The following GLIS3 variants were observed in gnomAD, a reference collection of about 807,000 sequenced individuals.
GLIS3 encodes the protein GLIS family zinc finger 3, also known as zinc finger protein GLIS3.
GLIS3 carries 53 observed loss-of-function variants against 78.6 expected under a neutral mutation model. The ratio of observed to expected loss-of-function variants is 0.67; its 90% CI spans 0.54 to 0.85. The LOEUF (loss-of-function observed/expected upper bound fraction) is 0.85, where lower values mean the gene tolerates loss of function less well. Ranked by LOEUF, GLIS3 falls within the 40% of genes least tolerant of loss-of-function variation. The pLI, the probability that GLIS3 is intolerant of heterozygous loss-of-function variation, is 0.00. For synonymous variants in GLIS3, 684 were observed against 509.9 expected (o/e 1.34, Z -4.60); for missense variants, 1,703 against 1,231.1 (o/e 1.38, Z -5.74).
intron 4 of GLIS3, among the ~76,000 whole-genome samples, chr9:4,085,445 G>A (rs905968836): frequency 6.6e-6 from 1 of 151,934 alleles, no homozygotes; most frequent in African/African-American, 2.4e-5. Context: ...CACTTTTCTT[G>A]ATGGCCACTG....
chr9:3,835,267 G>C (rs1818281647), intron 9 of GLIS3, among the ~76,000 whole-genome samples: 2 of 152,158 alleles, frequency 1.3e-5, no homozygotes, highest in East Asian at 3.9e-4. Flanking sequence ...CCTGCAGTAG[G>C]CTCAGACTGG....
At position 4,293,945 on chromosome 9, in the gene GLIS3, A is replaced by G. The variant is rs112406694; in HGVS notation, c.-99+5476T>C. Among the ~76,000 whole-genome samples, 120 of 152,310 alleles carry G rather than the reference A, an allele frequency of 7.9e-4. 1 individual carries two copies. Among genetic ancestry groups the G allele is most frequent in the African/African-American group, 2.8e-3 (118 of 41,562 alleles). The stretch of plus-strand genomic sequence containing the variant: ...GCCCTCAGCTACTGAGAACCTCATA[A>G]TTCAAGTTTTACAAATTCCTTTTCT... On this transcript the variant is annotated intron_variant, in intron 1 of 10. Coordinates refer to ENST00000381971, the MANE Select transcript of GLIS3 (RefSeq NM_001042413.2).
In GLIS3 at chr9:4,159,953, G is replaced by A. The variant is rs79037693; in HGVS notation, c.389-34012C>T. ...CAGTATTTCAACTCAGCCAGTAAGA[G>A]ACAACCAAGAATGAATGTTAGTATT... On this transcript the variant is annotated intron_variant, in intron 2 of 10. Transcript: ENST00000381971. Among the ~76,000 whole-genome samples, 613 of 152,214 alleles carry A rather than the reference G, an allele frequency of 4.0e-3. 8 individuals are homozygous for A. Among genetic ancestry groups the A allele is most frequent in the African/African-American group, 0.014 (576 of 41,530 alleles).
intron 2 of GLIS3, among the ~76,000 whole-genome samples, chr9:4,315,708 G>C (rs1817425897): frequency 6.6e-6 from 1 of 152,036 alleles, no homozygotes; most frequent in South Asian, 2.1e-4. Flanking sequence ...GGGTCTTTTG[G>C]GGCCAGCCTC....
At chr9:3,855,861 A>G in intron 9 of GLIS3, 148 bp downstream of exon 9, 1 of 842,842 alleles carries the variant, frequency 1.2e-6, no homozygotes, top group Non-Finnish European at 2.0e-6. Flanking sequence ...TTTCATGCCT[A>G]TCAAGTGTGA....
chr9:3,973,081 G>C (rs13290706), intron 4 of GLIS3, among the ~76,000 whole-genome samples: 12,873 of 152,234 alleles, frequency 0.085, 589 homozygotes, highest in Middle Eastern at 0.15. Context: ...CATATTCATA[G>C]TTATGGTTTA....
chr9:3,901,956 C>T (rs867726750), intron 6 of GLIS3, among the ~76,000 whole-genome samples: 3 of 152,306 alleles, frequency 2.0e-5, no homozygotes, highest in Non-Finnish European at 2.9e-5. Context: ...CTGGGGTCCA[C>T]ATGTTTTACC....
chr9:4,335,343 T>C (rs1040888157), intron 2 of GLIS3, among the ~76,000 whole-genome samples: 3 of 152,218 alleles, frequency 2.0e-5, no homozygotes, highest in African/African-American at 2.4e-5. Flanking sequence ...ACCTGTGAAA[T>C]TGATCAATTA....
At chr9:4,033,117 T>G (rs1823992637) in intron 4 of GLIS3, among the ~76,000 whole-genome samples, 1 of 152,062 alleles carries the variant, frequency 6.6e-6, no homozygotes, top group Non-Finnish European at 1.5e-5. Context: ...TCTCCCAAAG[T>G]GCTGGGATTA....
chr9:4,378,403 A>G, the GLIS3 span, among the ~76,000 whole-genome samples: 19 of 152,268 alleles, frequency 1.2e-4, 1 homozygote, highest in South Asian at 2.5e-3. Context: ...CAAAATATTT[A>G]AAACATGTTT....
the GLIS3 span, among the ~76,000 whole-genome samples, chr9:4,388,482 T>A: frequency 6.6e-6 from 1 of 151,794 alleles, no homozygotes; most frequent in Non-Finnish European, 1.5e-5. Flanking sequence ...TTCGAGAGCA[T>A]CCTGACCAAT....
intron 2 of GLIS3, among the ~76,000 whole-genome samples, chr9:4,173,737 C>T (rs1816581895): frequency 6.6e-6 from 1 of 152,134 alleles, no homozygotes; most frequent in South Asian, 2.1e-4. Flanking sequence ...GCTGGAACTA[C>T]AGGCATGTGC....
chr9:4,418,411 G>C, the GLIS3 span, among the ~76,000 whole-genome samples: 1 of 152,186 alleles, frequency 6.6e-6, no homozygotes, highest in African/African-American at 2.4e-5. Context: ...TGCTCTATCT[G>C]TAAAACCTCT....
chr9:4,095,267 G>C (rs1046091231), intron 4 of GLIS3, among the ~76,000 whole-genome samples: 1 of 152,064 alleles, frequency 6.6e-6, no homozygotes. Flanking sequence ...GGACATAAAT[G>C]TTTTAACCGG....
At chr9:3,946,911 C>T (rs1489574283) in intron 4 of GLIS3, among the ~76,000 whole-genome samples, 5 of 152,162 alleles carry the variant, frequency 3.3e-5, no homozygotes, top group East Asian at 1.9e-4. Context: ...ATGATCTTTT[C>T]GACCTTGCCC....
At chr9:4,350,496 A>G (rs191930094), upstream of GLIS3, among the ~76,000 whole-genome samples, 72 of 152,318 alleles carry the variant, frequency 4.7e-4, no homozygotes, top group Non-Finnish European at 9.3e-4. Context: ...TGCACAGTGT[A>G]AATTTATAAT....
chr9:3,991,934 C>A (rs1381843045), intron 4 of GLIS3, among the ~76,000 whole-genome samples: 1 of 152,144 alleles, frequency 6.6e-6, no homozygotes, highest in Non-Finnish European at 1.5e-5. Context: ...TCGTGATCCG[C>A]CCGCCTCGGC....
At chr9:4,256,481 T>G (rs904769424) in intron 2 of GLIS3, among the ~76,000 whole-genome samples, 3 of 152,232 alleles carry the variant, frequency 2.0e-5, no homozygotes, top group African/African-American at 7.2e-5. Flanking sequence ...ATTATGATGT[T>G]GAATGCCGGT....
intron 2 of GLIS3, among the ~76,000 whole-genome samples, chr9:4,171,850 G>A (rs1002821088): frequency 4.6e-5 from 7 of 152,144 alleles, no homozygotes; most frequent in Non-Finnish European, 1.0e-4. Context: ...ATGATTAAAC[G>A]ACTGAAGAGG....
Sources: gnomAD v4.1 joint callset for allele counts (sites outside exome capture counted in the v4.1 genomes callset) on GRCh38, gnomAD v4.1.1 for gene constraint, MANE v1.5 for transcripts, NCBI Gene and HGNC (gene_info 2026-07-23, HGNC 2026-07-21) for gene names.